The following ABLIM1 variants were observed in gnomAD, a reference collection of about 807,000 sequenced individuals.
The protein encoded by ABLIM1 is actin binding LIM protein 1, also known as actin-binding LIM protein 1.
In ABLIM1, 40 loss-of-function variants were observed where a neutral mutation model predicts 107.0. The ratio of observed to expected loss-of-function variants is 0.37; its 90% CI spans 0.29 to 0.49. The LOEUF (loss-of-function observed/expected upper bound fraction) is 0.49. ABLIM1 is among the 20% of genes least tolerant of loss of function. The pLI is 0.97. For synonymous variants in ABLIM1, 357 were observed against 357.3 expected (o/e 1.00, Z 0.01); for missense variants, 857 against 1,008.5 (o/e 0.85, Z 2.04).
At chr10:114,583,074 C>T (rs574757461) in intron 2 of ABLIM1, among the ~76,000 whole-genome samples, 15 of 151,920 alleles carry the variant, frequency 9.9e-5, no homozygotes, top group Non-Finnish European at 1.9e-4. Context: ...AGTAAACAGA[C>T]AACCTACAGA....
intron 6 of ABLIM1, among the ~76,000 whole-genome samples, chr10:114,528,838 T>A (rs2065149480): frequency 6.6e-6 from 1 of 152,260 alleles, no homozygotes; most frequent in Non-Finnish European, 1.5e-5. Flanking sequence ...CATGTTGTGC[T>A]GGGAATCCAC....
chr10:114,458,973 C>T (rs1387879271), intron 12 of ABLIM1, among the ~76,000 whole-genome samples: 1 of 152,214 alleles, frequency 6.6e-6, no homozygotes, highest in Non-Finnish European at 1.5e-5. Context: ...AAAATACACC[C>T]AACCAACAAT....
At chr10:114,715,946 C>T (rs778095960) in intron 1 of ABLIM1, among the ~76,000 whole-genome samples, 1 of 152,150 alleles carries the variant, frequency 6.6e-6, no homozygotes, top group East Asian at 1.9e-4. Context: ...AGACATTTGT[C>T]CTAAGAGTTA....
intron 1 of ABLIM1, chr10:114,690,288 T>C: frequency 6.4e-7 from 1 of 1,574,038 alleles, no homozygotes; most frequent in Non-Finnish European, 8.7e-7. Flanking sequence ...CCACTCACTC[T>C]TGGCAGTGCA....
chr10:114,660,633 G>C (rs1326840439), upstream of ABLIM1, among the ~76,000 whole-genome samples: 1 of 152,174 alleles, frequency 6.6e-6, no homozygotes, highest in East Asian at 1.9e-4. Flanking sequence ...CGTAGTGTGG[G>C]AACCCCTGCC....
intron 1 of ABLIM1, among the ~76,000 whole-genome samples, chr10:114,625,558 C>A (rs908661225): frequency 6.6e-6 from 1 of 151,262 alleles, no homozygotes; most frequent in Non-Finnish European, 1.5e-5. Context: ...CAGAGTAATT[C>A]TAGAAGAATT....
chr10:114,459,482 G>A (rs1201629503), intron 12 of ABLIM1, among the ~76,000 whole-genome samples: 1 of 152,094 alleles, frequency 6.6e-6, no homozygotes, highest in African/African-American at 2.4e-5. Context: ...GTAATTCCTT[G>A]GAGAATCCAC....
rs112991680 is a variant in ABLIM1, at chr10:114,437,609, A to G, written c.2223+235T>C. Among the ~76,000 whole-genome samples, 983 of 151,322 alleles carry G rather than the reference A, an allele frequency of 6.5e-3. 11 individuals are homozygous for G. Among genetic ancestry groups the G allele is most frequent in the African/African-American group, 0.022 (894 of 41,222 alleles). On this transcript the variant is annotated intron_variant, in intron 22 of 22. Transcript: ENST00000533213. ...GTTGGGATTATGGGCGTGAGCCACC[A>G]TGCCCACCTCCTGGGTCATTCTTCT...
intron 1 of ABLIM1, among the ~76,000 whole-genome samples, chr10:114,623,042 C>T (rs1277074455): frequency 6.6e-6 from 1 of 152,194 alleles, no homozygotes; most frequent in Non-Finnish European, 1.5e-5. Flanking sequence ...TCACTGCAAC[C>T]TCTGCCTCCT....
intron 10 of ABLIM1, among the ~76,000 whole-genome samples, chr10:114,468,500 T>A (rs1180445746): frequency 6.6e-6 from 1 of 152,118 alleles, no homozygotes; most frequent in Non-Finnish European, 1.5e-5. Context: ...GGTCTCTATC[T>A]TCTGACCTCA....
chr10:114,792,005 G>A, the ABLIM1 span, among the ~76,000 whole-genome samples: 18,152 of 152,220 alleles, frequency 0.12, 1,626 homozygotes, highest in East Asian at 0.44. Flanking sequence ...ATGTGGAAAT[G>A]AGGAAACGGA....
At chr10:114,738,898 T>A (rs568270083) in intron 1 of ABLIM1, among the ~76,000 whole-genome samples, 1 of 152,064 alleles carries the variant, frequency 6.6e-6, no homozygotes, top group South Asian at 2.1e-4. Context: ...ATAAGGGAAA[T>A]GATTCCCTTC....
chr10:114,649,034 C>A (rs73362055), intron 1 of ABLIM1, among the ~76,000 whole-genome samples: 6,302 of 152,150 alleles, frequency 0.041, 392 homozygotes, highest in African/African-American at 0.14. Context: ...CTAACACTAC[C>A]CTCTGATTAT....
intron 2 of ABLIM1, among the ~76,000 whole-genome samples, chr10:114,596,440 C>A (rs770653477): frequency 6.6e-6 from 1 of 152,278 alleles, no homozygotes; most frequent in Non-Finnish European, 1.5e-5. Flanking sequence ...GTGGCACATG[C>A]CTGTATTCCC....
intron 2 of ABLIM1, among the ~76,000 whole-genome samples, chr10:114,577,857 C>T (rs913495389): frequency 6.6e-6 from 1 of 152,144 alleles, no homozygotes; most frequent in Non-Finnish European, 1.5e-5. Context: ...TTCCTAAAGG[C>T]ATATGCAACA....
At chr10:114,668,245 G>T (rs2080106899) in intron 1 of ABLIM1, among the ~76,000 whole-genome samples, 1 of 152,216 alleles carries the variant, frequency 6.6e-6, no homozygotes, top group Non-Finnish European at 1.5e-5. Context: ...CTGGGAGGAG[G>T]TGGGAGGAGA....
chr10:114,668,348 T>C (rs1403405920), intron 1 of ABLIM1, among the ~76,000 whole-genome samples: 1 of 152,098 alleles, frequency 6.6e-6, no homozygotes. Context: ...TCACAAATAG[T>C]ACCCACTGGG....
intron 1 of ABLIM1, among the ~76,000 whole-genome samples, chr10:114,700,611 T>A (rs1344807173): frequency 1.1e-5 from 1 of 94,580 alleles, no homozygotes; most frequent in African/African-American, 4.2e-5. Flanking sequence ...TGAAACAGAA[T>A]AGGAATTCCA....
At chr10:114,666,152 T>C in intron 1 of ABLIM1, among the ~76,000 whole-genome samples, 1 of 152,176 alleles carries the variant, frequency 6.6e-6, no homozygotes, top group Non-Finnish European at 1.5e-5. Flanking sequence ...GGCAGAATCA[T>C]TGTCCAGGCA....
Sources: allele counts gnomAD v4.1 joint callset (sites outside exome capture counted in the v4.1 genomes callset), GRCh38; gene constraint gnomAD v4.1.1; transcripts MANE v1.5; gene names NCBI Gene and HGNC (gene_info 2026-07-23, HGNC 2026-07-21).